The following CNTN4 variants were observed in gnomAD, a reference collection of about 807,000 sequenced individuals.
The protein encoded by CNTN4 is contactin-4.
A neutral mutation model predicts 122.5 loss-of-function variants in CNTN4; 77 were observed. That is an observed-to-expected ratio of 0.63 (90% CI 0.52 to 0.76). The LOEUF is 0.76. Among genes scored for constraint, CNTN4 ranks in the 30% least tolerant of loss-of-function variants. The probability of loss-of-function intolerance (pLI) is 0.00; values close to 1 mark genes in which losing one functional copy is unlikely to be tolerated. For synonymous variants in CNTN4, 512 were observed against 447.0 expected (o/e 1.15, Z -1.83); for missense variants, 1,256 against 1,259.1 (o/e 1.00, Z 0.04).
At chr3:2,907,049 G>T (rs1025392280) in intron 12 of CNTN4, among the ~76,000 whole-genome samples, 1 of 152,102 alleles carries the variant, frequency 6.6e-6, no homozygotes, top group Non-Finnish European at 1.5e-5. Context: ...TCTCTCTTAA[G>T]TGAATAAGGG....
intron 14 of CNTN4, among the ~76,000 whole-genome samples, chr3:3,006,560 C>T (rs1316701522): frequency 1.3e-5 from 2 of 152,016 alleles, no homozygotes; most frequent in African/African-American, 4.8e-5. Context: ...AAGCTAAGGC[C>T]CAATAATTAG....
intron 7 of CNTN4, among the ~76,000 whole-genome samples, chr3:2,830,269 T>A (rs1281331642): frequency 6.6e-6 from 1 of 152,340 alleles, no homozygotes; most frequent in East Asian, 1.9e-4. Context: ...TCAAGTTGAG[T>A]ACATCTCTAT....
At chr3:2,726,971 T>G (rs2149430877) in intron 4 of CNTN4, among the ~76,000 whole-genome samples, 1 of 152,258 alleles carries the variant, frequency 6.6e-6, no homozygotes, top group East Asian at 1.9e-4. Context: ...TCTGTAAACC[T>G]CAAACTGCTC....
intron 4 of CNTN4, among the ~76,000 whole-genome samples, chr3:2,703,836 A>G (rs1178658141): frequency 6.6e-6 from 1 of 152,144 alleles, no homozygotes; most frequent in Non-Finnish European, 1.5e-5. Flanking sequence ...AAAAAAAATG[A>G]AAATAAAAGA....
chr3:2,633,035 A>G (rs1576294100), intron 4 of CNTN4, among the ~76,000 whole-genome samples: 1 of 149,966 alleles, frequency 6.7e-6, no homozygotes, highest in Non-Finnish European at 1.5e-5. Flanking sequence ...TATAAATTAT[A>G]TATACAATCT....
chr3:3,049,119 G>A (rs1217745672), intron 23 of CNTN4, among the ~76,000 whole-genome samples: 2 of 152,174 alleles, frequency 1.3e-5, no homozygotes, highest in African/African-American at 2.4e-5. Context: ...GTCTCCCTCT[G>A]TCACGCAAGG....
intron 2 of CNTN4, among the ~76,000 whole-genome samples, chr3:2,138,214 C>A (rs1325548100): frequency 6.6e-6 from 1 of 152,140 alleles, no homozygotes; most frequent in Admixed American, 6.5e-5. Flanking sequence ...TACAGGCGCC[C>A]GCCATCACGC....
At chr3:2,264,690 C>A (rs899185103) in intron 2 of CNTN4, among the ~76,000 whole-genome samples, 2 of 151,898 alleles carry the variant, frequency 1.3e-5, no homozygotes, top group East Asian at 3.9e-4. Context: ...GAGGCCTTAC[C>A]CCAAAAATCT....
At chr3:3,004,155 T>TA (rs113655726) in intron 14 of CNTN4, among the ~76,000 whole-genome samples, 32,161 of 147,328 alleles carry the variant, frequency 0.22, 3,834 homozygotes, top group African/African-American at 0.31. Flanking sequence ...TTTGCACACT[T>TA]AAAAAAAAAA....
chr3:2,415,747 G>C (rs190043518), intron 3 of CNTN4, among the ~76,000 whole-genome samples: 1 of 151,916 alleles, frequency 6.6e-6, no homozygotes, highest in Non-Finnish European at 1.5e-5. Context: ...AAACAATAAA[G>C]TACTCCATTT....
chr3:2,683,952 G>A (rs956332068), intron 4 of CNTN4, among the ~76,000 whole-genome samples: 1 of 152,106 alleles, frequency 6.6e-6, no homozygotes, highest in Admixed American at 6.6e-5. Context: ...AATTCCCCAT[G>A]ATGAGTCTTA....
chr3:2,452,784 A>G (rs901236623), intron 3 of CNTN4, among the ~76,000 whole-genome samples: 3 of 152,142 alleles, frequency 2.0e-5, no homozygotes, highest in African/African-American at 7.2e-5. Context: ...TAATCCTCGT[A>G]TGAAGATAAG....
intron 2 of CNTN4, among the ~76,000 whole-genome samples, chr3:2,191,896 C>T (rs1236438217): frequency 1.3e-5 from 2 of 151,618 alleles, no homozygotes; most frequent in East Asian, 3.9e-4. Context: ...CACTCCACAA[C>T]AGGCCCCAGT....
intron 2 of CNTN4, among the ~76,000 whole-genome samples, chr3:2,150,723 G>A (rs1485954556): frequency 6.6e-6 from 1 of 152,214 alleles, no homozygotes; most frequent in Non-Finnish European, 1.5e-5. Flanking sequence ...TCATTCTCAA[G>A]CATGTTATCT....
chr3:2,508,232 T>C (rs1028541062), intron 3 of CNTN4, among the ~76,000 whole-genome samples: 4 of 152,176 alleles, frequency 2.6e-5, no homozygotes, highest in African/African-American at 9.7e-5. Context: ...GCTGCATAGA[T>C]TATCATTCCA....
intron 4 of CNTN4, among the ~76,000 whole-genome samples, chr3:2,619,774 G>T (rs2081923652): frequency 6.6e-6 from 1 of 152,150 alleles, no homozygotes; most frequent in Admixed American, 6.5e-5. Flanking sequence ...GATCAGATCT[G>T]CTAATAACGC....
rs558280881 is a variant in CNTN4, at chr3:2,260,098, G to A, written c.-144-79080G>A. On this transcript the variant is annotated intron_variant, in intron 2 of 24. Transcript: ENST00000418658. ...CAGTTTTGTATAATTTAGAGAGCAC[G>A]TAGGCACCATTTTCTTGCCCAAGAA... Among the ~76,000 whole-genome samples, 11 of 152,244 alleles carry A rather than the reference G, an allele frequency of 7.2e-5. 1 individual carries two copies. The South Asian group carries it at 1.9e-3, about 26-fold the overall frequency.
At chr3:2,647,363 G>A (rs922778305) in intron 4 of CNTN4, among the ~76,000 whole-genome samples, 1 of 150,922 alleles carries the variant, frequency 6.6e-6, no homozygotes, top group East Asian at 2.0e-4. Flanking sequence ...CCTGGGCAAC[G>A]AGAGCGAAAC....
chr3:2,191,581 C>CT (rs560994454), intron 2 of CNTN4, among the ~76,000 whole-genome samples: 48 of 151,880 alleles, frequency 3.2e-4, no homozygotes, highest in Non-Finnish European at 5.6e-4. Flanking sequence ...AAATATTTAA[C>CT]TTTTTTTTAT....
Sources: allele counts gnomAD v4.1 joint callset (sites outside exome capture counted in the v4.1 genomes callset), GRCh38; gene constraint gnomAD v4.1.1; transcripts MANE v1.5; gene names NCBI Gene and HGNC (gene_info 2026-07-23, HGNC 2026-07-21).